The following SLC14A2 variants were observed in gnomAD, a reference collection of about 807,000 sequenced individuals.
SLC14A2 encodes the protein urea transporter 2.
SLC14A2 carries 91 observed loss-of-function variants against 104.6 expected under a neutral mutation model. The observed-to-expected ratio is 0.87, with a 90% CI of 0.73 to 1.04. SLC14A2 has a LOEUF of 1.04. SLC14A2 is among the 50% of genes least tolerant of loss of function. The pLI is 0.00. For missense variants in SLC14A2, 1,189 were observed against 1,156.0 expected (o/e 1.03, Z -0.41); for synonymous variants, 476 against 466.4 (o/e 1.02, Z -0.27).
intron 2 of SLC14A2, among the ~76,000 whole-genome samples, chr18:45,572,905 C>T (rs909347837): frequency 3.3e-5 from 5 of 152,238 alleles, no homozygotes; most frequent in South Asian, 4.2e-4. Context: ...AGGATGAGTA[C>T]GTAATAAATT....
At chr18:45,672,813 A>C (rs2046163079) in intron 16 of SLC14A2, 87 bp from the exon 17 acceptor site, 5 of 1,231,030 alleles carry the variant, frequency 4.1e-6, no homozygotes, top group Non-Finnish European at 5.7e-6. Flanking sequence ...TGTTAGTGGG[A>C]AGGGTTCAGT....
chr18:45,662,941 T>C (rs1336761361), intron 10 of SLC14A2, among the ~76,000 whole-genome samples: 2 of 152,076 alleles, frequency 1.3e-5, no homozygotes, highest in African/African-American at 4.8e-5. Flanking sequence ...GATAATTCAA[T>C]GCTGTCAGTT....
chr18:45,626,973 T>C lies in SLC14A2; in HGVS notation c.347T>C (p.Leu116Pro). The C allele has an allele frequency of 6.2e-7, 1 of 1,611,330 alleles. No individual in the cohort carries two copies. Residue 116 changes from leucine to proline, a missense_variant, in exon 4 of 20, where the codon CTC becomes CCC. Physicochemically the swap from Leu to Pro is moderately conservative, Grantham distance 98. Coordinates refer to ENST00000255226, the MANE Select transcript of SLC14A2 (RefSeq NM_007163.4). ...TCTCTTTCAGACAAGCACCTTGCCC[T>C]CCAGTTCATAGACTGGGTCCTGAGA... ...RIWLKDKHLALQFIDWVLRGT... is the reference protein window; with the variant it reads ...RIWLKDKHLAPQFIDWVLRGT...
chr18:45,536,658 A>G (rs192130496), intron 2 of SLC14A2, among the ~76,000 whole-genome samples: 105 of 152,290 alleles, frequency 6.9e-4, no homozygotes, highest in Middle Eastern at 3.4e-3. Context: ...GTAAAGTCAC[A>G]TTCTCAGGTA....
chr18:45,462,028 C>G (rs1396303711), intron 1 of SLC14A2, among the ~76,000 whole-genome samples: 2 of 152,128 alleles, frequency 1.3e-5, no homozygotes, highest in Non-Finnish European at 2.9e-5. Context: ...GCCAGTGCTA[C>G]CTGGAAGAAA....
At chr18:45,578,266 C>T (rs930130858) in intron 2 of SLC14A2, among the ~76,000 whole-genome samples, 2 of 152,242 alleles carry the variant, frequency 1.3e-5, no homozygotes, top group Admixed American at 1.3e-4. Context: ...TTTCATCACT[C>T]ACTTACATGT....
chr18:45,384,602 TG>T (rs1213034619), intron 1 of SLC14A2, among the ~76,000 whole-genome samples: 1 of 152,184 alleles, frequency 6.6e-6, no homozygotes, highest in East Asian at 1.9e-4. Context: ...TGCCCTCTGC[TG>T]GATGGTATGT....
At chr18:45,504,183 G>C (rs1005628191) in intron 2 of SLC14A2, among the ~76,000 whole-genome samples, 2 of 152,182 alleles carry the variant, frequency 1.3e-5, no homozygotes, top group Admixed American at 1.3e-4. Context: ...TCTTTTGAAA[G>C]ATTCTATCTA....
chr18:45,360,226 G>T (rs931689509), intron 1 of SLC14A2, among the ~76,000 whole-genome samples: 2 of 152,212 alleles, frequency 1.3e-5, no homozygotes, highest in African/African-American at 4.8e-5. Context: ...TTTCTGCCCA[G>T]GCATTGTTGG....
chr18:45,365,818 T>C (rs1233399938), intron 1 of SLC14A2, among the ~76,000 whole-genome samples: 2 of 152,134 alleles, frequency 1.3e-5, no homozygotes, highest in African/African-American at 2.4e-5. Context: ...GCTATTGTTA[T>C]TGTTACTATT....
chr18:45,477,838 C>G (rs930527986), intron 1 of SLC14A2, among the ~76,000 whole-genome samples: 5 of 152,188 alleles, frequency 3.3e-5, no homozygotes, highest in African/African-American at 7.2e-5. Flanking sequence ...TTACCCCAAC[C>G]AACCTCGAGC....
chr18:45,356,043 A>C (rs2085550939), intron 1 of SLC14A2, among the ~76,000 whole-genome samples: 1 of 150,054 alleles, frequency 6.7e-6, no homozygotes. Flanking sequence ...GTTTTGTGAC[A>C]GCTTTTGTGA....
intron 1 of SLC14A2, among the ~76,000 whole-genome samples, chr18:45,245,160 A>G (rs954936925): frequency 6.6e-6 from 1 of 152,204 alleles, no homozygotes; most frequent in Admixed American, 6.5e-5. Context: ...AGTGTATAAC[A>G]GGCAATGGAG....
intron 2 of SLC14A2, among the ~76,000 whole-genome samples, chr18:45,487,370 C>T (rs572056960): frequency 1.2e-4 from 19 of 152,332 alleles, no homozygotes; most frequent in African/African-American, 4.3e-4. Context: ...GCAGAATAAT[C>T]TCCCTATCTT....
intron 1 of SLC14A2, among the ~76,000 whole-genome samples, chr18:45,269,656 C>T (rs1464088515): frequency 3.3e-5 from 5 of 152,132 alleles, no homozygotes; most frequent in African/African-American, 4.8e-5. Flanking sequence ...CTCATAATTG[C>T]GCGTACTATG....
chr18:45,328,471 AGCT>A (rs753600429), intron 1 of SLC14A2, among the ~76,000 whole-genome samples: 2 of 152,202 alleles, frequency 1.3e-5, no homozygotes, highest in Admixed American at 6.5e-5. Flanking sequence ...GCCCTGAGAC[AGCT>A]GCTCTTGAGC....
At chr18:45,662,680 G>C in intron 10 of SLC14A2, among the ~76,000 whole-genome samples, 1 of 152,254 alleles carries the variant, frequency 6.6e-6, no homozygotes, top group South Asian at 2.1e-4. Context: ...ATAATATATA[G>C]TGCCCATTCT....
At chr18:45,292,052 T>C (rs906284831) in intron 1 of SLC14A2, among the ~76,000 whole-genome samples, 2 of 152,212 alleles carry the variant, frequency 1.3e-5, no homozygotes, top group African/African-American at 2.4e-5. Context: ...GTGTATGCAC[T>C]GTATTAGAGC....
At chr18:45,469,072 C>T (rs1266203809) in intron 1 of SLC14A2, among the ~76,000 whole-genome samples, 1 of 152,004 alleles carries the variant, frequency 6.6e-6, no homozygotes, top group African/African-American at 2.4e-5. Flanking sequence ...CCTCTGTTGC[C>T]CTTGAAGCAG....
Sources: allele counts gnomAD v4.1 joint callset (sites outside exome capture counted in the v4.1 genomes callset), GRCh38; gene constraint gnomAD v4.1.1; transcripts MANE v1.5; gene names NCBI Gene and HGNC (gene_info 2026-07-23, HGNC 2026-07-21).